The following SLIT3 variants were observed in gnomAD, a reference collection of about 807,000 sequenced individuals.
The protein encoded by SLIT3 is slit guidance ligand 3, also known as slit homolog 3 protein.
In SLIT3, 68 loss-of-function variants were observed where a neutral mutation model predicts 184.0. The observed-to-expected ratio is 0.37, with a 90% CI of 0.30 to 0.45. The LOEUF is 0.45. SLIT3 is among the 20% of genes least tolerant of loss of function. SLIT3 has a pLI of 1.00. For missense variants in SLIT3, 1,707 were observed against 2,026.0 expected (o/e 0.84, Z 3.02); for synonymous variants, 831 against 828.6 (o/e 1.00, Z -0.05).
At chr5:169,244,914 G>T in intron 2 of SLIT3, 138 bp from the exon 3 acceptor site, 1 of 742,942 alleles carries the variant, frequency 1.3e-6, no homozygotes, top group Non-Finnish European at 2.3e-6. Context: ...TCAGTCTGAT[G>T]GGACAAGATA....
chr5:168,855,323 A>C (rs988245193), intron 5 of SLIT3, among the ~76,000 whole-genome samples: 2 of 152,244 alleles, frequency 1.3e-5, no homozygotes, highest in East Asian at 1.9e-4. Flanking sequence ...TTCCTCAAAA[A>C]GTTAAACATA....
At chr5:169,051,415 T>G (rs2113061316) in intron 4 of SLIT3, among the ~76,000 whole-genome samples, 1 of 151,828 alleles carries the variant, frequency 6.6e-6, no homozygotes, top group East Asian at 2.0e-4. Context: ...AAGAAGGAAA[T>G]GAATTCTCAG....
intron 4 of SLIT3, among the ~76,000 whole-genome samples, chr5:168,916,405 G>C (rs1761436224): frequency 6.6e-6 from 1 of 152,246 alleles, no homozygotes; most frequent in African/African-American, 2.4e-5. Flanking sequence ...CAGAGCTGCT[G>C]CTGAGGCATC....
chr5:169,282,440 A>G (rs1767025062), intron 1 of SLIT3, among the ~76,000 whole-genome samples: 1 of 152,148 alleles, frequency 6.6e-6, no homozygotes, highest in Non-Finnish European at 1.5e-5. Context: ...ACATCACTCC[A>G]TTTTGCTGTT....
At chr5:168,975,606 G>C (rs113295345) in intron 4 of SLIT3, among the ~76,000 whole-genome samples, 1 of 152,096 alleles carries the variant, frequency 6.6e-6, no homozygotes, top group Non-Finnish European at 1.5e-5. Context: ...TCACGTGAAG[G>C]TTGTATAGAA....
intron 1 of SLIT3, among the ~76,000 whole-genome samples, chr5:169,287,510 C>T (rs533378125): frequency 3.0e-4 from 46 of 152,256 alleles, no homozygotes; most frequent in Admixed American, 2.9e-3. Flanking sequence ...AAGGGCAGAC[C>T]ACACCAGGAA....
chr5:168,855,205 T>TGAGAAA lies in SLIT3; in HGVS notation c.486-10551_486-10550insTTTCTC, dbSNP rs200015762. On this transcript the variant is annotated intron_variant, in intron 5 of 35. Coordinates refer to ENST00000519560, the MANE Select transcript of SLIT3 (RefSeq NM_003062.4). ...CACACTAGAAAGGCTGTAATTAAAA[T>TGAGAAA]AATGAGAAACAATAAGTGCTCGGTG... Among the ~76,000 whole-genome samples, 913 of 149,848 alleles carry TGAGAAA rather than the reference T, an allele frequency of 6.1e-3. 11 individuals are homozygous for TGAGAAA. Among genetic ancestry groups the TGAGAAA allele is most frequent in the African/African-American group, 0.022 (873 of 39,286 alleles).
intron 4 of SLIT3, among the ~76,000 whole-genome samples, chr5:168,958,089 GA>G (rs1561573751): frequency 2.0e-5 from 3 of 152,176 alleles, no homozygotes; most frequent in African/African-American, 7.2e-5. Context: ...ATATTGAGTG[GA>G]TAGAGTAGTG....
intron 4 of SLIT3, among the ~76,000 whole-genome samples, chr5:169,113,724 C>T (rs562152748): frequency 6.8e-5 from 10 of 148,112 alleles, no homozygotes; most frequent in African/African-American, 1.5e-4. Context: ...GGCTCGATCA[C>T]GGCTCACTGC....
intron 4 of SLIT3, among the ~76,000 whole-genome samples, chr5:169,186,990 C>G (rs969854959): frequency 2.0e-5 from 3 of 148,162 alleles, no homozygotes; most frequent in Non-Finnish European, 3.0e-5. Context: ...AAGTGAATGA[C>G]AGCAGGTTTA....
intron 4 of SLIT3, among the ~76,000 whole-genome samples, chr5:168,973,382 G>A (rs1227642321): frequency 6.6e-6 from 1 of 151,978 alleles, no homozygotes; most frequent in Non-Finnish European, 1.5e-5. Context: ...TGAGTAGCTG[G>A]GATTACAGGT....
chr5:168,823,322 GT>G lies in SLIT3; in HGVS notation c.566del (p.Asn189ThrfsTer60). 1 of 1,613,722 alleles carries G rather than the reference GT, an allele frequency of 6.2e-7. No individual in the cohort carries two copies. Among genetic ancestry groups the G allele is most frequent in the Admixed American group, 1.7e-5 (1 of 60,020 alleles). ...CCAGGATGCGACTGATGTTGTTGTT[GT>G]TGAGGGTACTGTGGAGATAGACAAG... ...ALRDLEILTLNNNNISRILVT... is the reference protein window; with the variant it reads ...ALRDLEILTLXNNNISRILVT... On this transcript the variant is annotated frameshift_variant, in exon 7 of 36. Transcript: ENST00000519560. LOFTEE classifies it high-confidence loss of function.
At chr5:169,066,199 C>T (rs891829926) in intron 4 of SLIT3, among the ~76,000 whole-genome samples, 3 of 152,168 alleles carry the variant, frequency 2.0e-5, no homozygotes, top group African/African-American at 7.2e-5. Context: ...TGCAGTGGTA[C>T]CATTGCAGTG....
intron 4 of SLIT3, among the ~76,000 whole-genome samples, chr5:168,990,276 A>G (rs17734203): frequency 0.017 from 2,641 of 152,312 alleles, 165 homozygotes; most frequent in Admixed American, 0.11. Flanking sequence ...TCAACAAAGG[A>G]GAGAGTCACA....
At chr5:169,148,762 C>A (rs1050296009) in intron 4 of SLIT3, among the ~76,000 whole-genome samples, 22 of 152,070 alleles carry the variant, frequency 1.4e-4, no homozygotes, top group African/African-American at 5.1e-4. Flanking sequence ...AAATGTTTAA[C>A]AAGGAAACGG....
chr5:169,250,909 C>T (rs1187068050), intron 2 of SLIT3, among the ~76,000 whole-genome samples: 1 of 152,204 alleles, frequency 6.6e-6, no homozygotes, highest in Non-Finnish European at 1.5e-5. Context: ...ATGCCCATTT[C>T]AAATTTTGCT....
chr5:169,049,411 T>C (rs188599751), intron 4 of SLIT3, among the ~76,000 whole-genome samples: 1 of 152,302 alleles, frequency 6.6e-6, no homozygotes, highest in East Asian at 1.9e-4. Flanking sequence ...TGGAATTCGA[T>C]GTTGCTTTGC....
intron 28 of SLIT3, among the ~76,000 whole-genome samples, chr5:168,695,661 A>G (rs1762038052): frequency 6.6e-6 from 1 of 152,150 alleles, no homozygotes; most frequent in Non-Finnish European, 1.5e-5. Flanking sequence ...TTAATGTAGG[A>G]AAATAAAGGT....
intron 16 of SLIT3, among the ~76,000 whole-genome samples, chr5:168,758,247 T>G (rs567562391): frequency 1.3e-5 from 2 of 152,160 alleles, no homozygotes; most frequent in Non-Finnish European, 1.5e-5. Flanking sequence ...TTCTGGGGCA[T>G]ACAGAAATAT....
Sources: gnomAD v4.1 joint callset for allele counts (sites outside exome capture counted in the v4.1 genomes callset) on GRCh38, gnomAD v4.1.1 for gene constraint, MANE v1.5 for transcripts, NCBI Gene and HGNC (gene_info 2026-07-23, HGNC 2026-07-21) for gene names.